The following CPPED1 variants were observed in gnomAD, a reference collection of about 807,000 sequenced individuals.
CPPED1 encodes the protein calcineurin like phosphoesterase domain containing 1.
Under a neutral mutation model 28.0 loss-of-function variants are expected in CPPED1, and 28 were observed. That is an observed-to-expected ratio of 1.00 (90% CI 0.74 to 1.37). CPPED1 has a LOEUF of 1.37. CPPED1 is among the 40% of genes most tolerant of loss of function. The pLI, the probability that CPPED1 is intolerant of heterozygous loss-of-function variation, is 0.00. For missense variants in CPPED1, 504 were observed against 416.5 expected (o/e 1.21, Z -1.83); for synonymous variants, 198 against 180.2 (o/e 1.10, Z -0.79).
chr16:12,688,020 G>C (rs942633331), intron 3 of CPPED1, among the ~76,000 whole-genome samples: 2 of 151,782 alleles, frequency 1.3e-5, no homozygotes, highest in African/African-American at 4.8e-5. Flanking sequence ...CAGGTGCCAC[G>C]CAACTCACAC....
intron 2 of CPPED1, among the ~76,000 whole-genome samples, chr16:12,772,647 T>C (rs942637527): frequency 6.6e-5 from 10 of 152,218 alleles, no homozygotes; most frequent in African/African-American, 2.2e-4. Flanking sequence ...TTTTAACTTC[T>C]GAAAATGCAG....
chr16:12,781,627 C>G (rs554164127), intron 1 of CPPED1, among the ~76,000 whole-genome samples: 1 of 152,110 alleles, frequency 6.6e-6, no homozygotes, highest in Non-Finnish European at 1.5e-5. Context: ...GAACTGTCCA[C>G]GTGGGCTTCT....
chr16:12,781,314 A>T lies in CPPED1; in HGVS notation c.160T>A (p.Cys54Ser). The change falls in exon 2 of 4, where the codon TGT becomes AGT. Residue 54 changes from cysteine to serine, a missense_variant. Physicochemically the swap from Cys to Ser is moderately radical, Grantham distance 112. Transcript: ENST00000381774. ...TCCCATTCGTCACCGCCATTGTCAC[A>T]GTCCCCAGTGGACCAGGCCTTGATC... is the stretch of plus-strand genomic sequence containing the variant. ...GLIKAWSTGD[C>S]DNGGDEWEQE... 6.2e-7 allele frequency: 1 copy of T among 1,614,182 alleles called. No homozygotes were observed.
At chr16:12,782,444 T>C (rs1341957718) in intron 1 of CPPED1, among the ~76,000 whole-genome samples, 4 of 152,028 alleles carry the variant, frequency 2.6e-5, no homozygotes, top group African/African-American at 7.2e-5. Flanking sequence ...AGCCCCCTCA[T>C]TTATCCTCTG....
chr16:12,704,684 A>C lies in CPPED1; in HGVS notation c.655T>G (p.Tyr219Asp), dbSNP rs534616041. ...GTGGACTTGCTGAGGTTGAAGTAGT[A>C]GTCGTCGTCCTCGTCGATGCTCTCC... The part of the protein sequence containing the change: ...FLESIDEDDD[Y>D]YFNLSKSTRK... Residue 219 changes from tyrosine to aspartate, a missense_variant, in exon 3 of 4, where the codon TAC becomes GAC. Coordinates refer to ENST00000381774, the MANE Select transcript of CPPED1 (RefSeq NM_018340.3). The C allele has an allele frequency of 2.5e-6, 4 of 1,614,192 alleles. No individual in the cohort carries two copies. Among genetic ancestry groups the C allele is most frequent in the East Asian group, 2.2e-5 (1 of 44,884 alleles).
chr16:12,797,309 T>C (rs1213412585), intron 1 of CPPED1, among the ~76,000 whole-genome samples: 1 of 152,162 alleles, frequency 6.6e-6, no homozygotes, highest in Non-Finnish European at 1.5e-5. Context: ...CCAGCACTTT[T>C]GGAGGCTAAG....
chr16:12,678,821 G>GT (rs1428688611), intron 3 of CPPED1, among the ~76,000 whole-genome samples: 1 of 151,824 alleles, frequency 6.6e-6, no homozygotes, highest in Non-Finnish European at 1.5e-5. Context: ...AAAAAAAATC[G>GT]TATCATCTGC....
chr16:12,764,234 C>T lies in CPPED1; in HGVS notation c.289+16951G>A, dbSNP rs144989045. 6.6e-3 allele frequency among the ~76,000 whole-genome samples: 992 copies of T among 150,772 alleles called. 10 individuals are homozygous for T. Among genetic ancestry groups the T allele is most frequent in the African/African-American group, 0.022 (915 of 41,086 alleles). ...TTTTTTTTCTTTTGAGACAGAGTTT[C>T]GCTCTGTCGCCCAGGCCAGAGTGCA... On this transcript the variant is annotated intron_variant, in intron 2 of 3. Transcript: ENST00000381774.
chr16:12,685,676 C>G (rs1428261362), intron 3 of CPPED1, among the ~76,000 whole-genome samples: 1 of 152,116 alleles, frequency 6.6e-6, no homozygotes, highest in Non-Finnish European at 1.5e-5. Context: ...CACACCCTCC[C>G]TTTTCCTCCT....
intron 2 of CPPED1, among the ~76,000 whole-genome samples, chr16:12,708,477 C>T (rs534998363): frequency 2.6e-5 from 4 of 152,314 alleles, no homozygotes; most frequent in Admixed American, 2.6e-4. Context: ...TTTCCACATC[C>T]CATCCCCCTA....
chr16:12,739,207 T>C (rs539814196), intron 2 of CPPED1, among the ~76,000 whole-genome samples: 1 of 152,312 alleles, frequency 6.6e-6, no homozygotes, highest in African/African-American at 2.4e-5. Flanking sequence ...AGAGACTGGC[T>C]TGCCCTGGAC....
At chr16:12,719,048 G>A (rs571128990) in intron 2 of CPPED1, among the ~76,000 whole-genome samples, 19 of 152,162 alleles carry the variant, frequency 1.2e-4, no homozygotes, top group African/African-American at 2.6e-4. Context: ...CTTACATGGC[G>A]GCAGGCAAGG....
intron 2 of CPPED1, among the ~76,000 whole-genome samples, chr16:12,747,155 C>T (rs1193837906): frequency 1.3e-5 from 2 of 151,488 alleles, no homozygotes; most frequent in Admixed American, 1.3e-4. Context: ...TAAGGCCGGG[C>T]ATGGTGGCTC....
chr16:12,701,891 C>T lies in CPPED1; in HGVS notation c.715+2733G>A, dbSNP rs961062406. The stretch of plus-strand genomic sequence containing the variant: ...CGGAGATGGAGCCATTGGATTCCAG[C>T]GCCTGATGTCACTGAGAGTGGAATA... On this transcript the variant is annotated intron_variant, in intron 3 of 3. Coordinates refer to ENST00000381774, the MANE Select transcript of CPPED1 (RefSeq NM_018340.3). Among the ~76,000 whole-genome samples the T allele has an allele frequency of 7.2e-5, 11 of 152,172 alleles. No individual in the cohort carries two copies. In the East Asian group the frequency reaches 7.7e-4, roughly 11 times the overall value.
Position 12,696,396 on chromosome 16 carries a change from G to A in CPPED1, c.715+8228C>T, listed in dbSNP as rs77906800. Among the ~76,000 whole-genome samples, 264 of 151,364 alleles carry A rather than the reference G, an allele frequency of 1.7e-3. 2 individuals carry two copies. Among genetic ancestry groups the A allele is most frequent in the Non-Finnish European group, 2.7e-3 (184 of 67,854 alleles). On this transcript the variant is annotated intron_variant, in intron 3 of 3. Coordinates refer to ENST00000381774, the MANE Select transcript of CPPED1 (RefSeq NM_018340.3). ...ATACAGAACAACAAACACGCCCTTA[G>A]TGAGTGCTCACTATGAGCCAGACAT...
intron 2 of CPPED1, among the ~76,000 whole-genome samples, chr16:12,717,937 C>G (rs981411711): frequency 1.3e-5 from 2 of 152,024 alleles, no homozygotes; most frequent in African/African-American, 4.8e-5. Context: ...CCACTGCACC[C>G]GACTTGTTCC....
intron 2 of CPPED1, among the ~76,000 whole-genome samples, chr16:12,731,991 G>A (rs559166882): frequency 5.2e-4 from 79 of 151,878 alleles, no homozygotes; most frequent in Admixed American, 6.6e-4. Context: ...GGCAAAACCC[G>A]GTCTCTACTA....
chr16:12,785,977 T>C (rs987407861), intron 1 of CPPED1, among the ~76,000 whole-genome samples: 5 of 152,086 alleles, frequency 3.3e-5, no homozygotes, highest in Admixed American at 2.0e-4. Flanking sequence ...GGTCCAGTTT[T>C]TTCCCCCTAC....
rs561525396 is a variant in CPPED1 at position 12,709,766 on chromosome 16, C to T, written c.290-4717G>A. ...ATCATAGGTAATGGTGAAAGACTGA[C>T]TGCCTTCCTCCAAGATCAGGAACAA... On this transcript the variant is annotated intron_variant, in intron 2 of 3. Coordinates refer to ENST00000381774, the MANE Select transcript of CPPED1 (RefSeq NM_018340.3). The surrounding 1 kb of genome is among the most constrained non-coding windows in gnomAD (Gnocchi z 4.4). 4.6e-5 allele frequency among the ~76,000 whole-genome samples: 7 copies of T among 152,162 alleles called. No individual in the cohort carries two copies. Among genetic ancestry groups the T allele is most frequent in the African/African-American group, 9.7e-5 (4 of 41,430 alleles).
Sources: allele counts gnomAD v4.1 joint callset (sites outside exome capture counted in the v4.1 genomes callset), GRCh38; gene constraint gnomAD v4.1.1; non-coding constraint Gnocchi (gnomAD v3.1); transcripts MANE v1.5; gene names NCBI Gene and HGNC (gene_info 2026-07-23, HGNC 2026-07-21).